The following STOX2 variants were observed in gnomAD, a reference collection of about 807,000 sequenced individuals.
STOX2 encodes the protein storkhead-box protein 2.
In STOX2, 28 loss-of-function variants were observed where a neutral mutation model predicts 60.9. The ratio of observed to expected loss-of-function variants is 0.46; its 90% CI spans 0.34 to 0.63. The LOEUF (loss-of-function observed/expected upper bound fraction) is 0.63. Among genes scored for constraint, STOX2 ranks in the 30% least tolerant of loss-of-function variants. STOX2 has a pLI of 0.01. For synonymous variants in STOX2, 472 were observed against 463.9 expected, an observed-to-expected ratio of 1.02 and a Z score of -0.22; for missense variants, 1,024 against 1,187.7, an observed-to-expected ratio of 0.86 and a Z score of 2.03.
In STOX2 at chr4:184,022,197, T is replaced by A. The variant is rs1734617637; in HGVS notation, c.*4913T>A. ...AAGGTCTTATGGTATTAAGGATACA[T>A]CCAGTATTTTCCCACAGATTTTTAT... On this transcript the variant is annotated 3_prime_UTR_variant, in exon 4 of 4. Transcript: ENST00000308497. 6.6e-6 allele frequency: 1 copy of A among 152,192 alleles called. No homozygotes were observed. Among genetic ancestry groups the A allele is most frequent in the Admixed American group, 6.5e-5 (1 of 15,282 alleles). The allele number at this position is 152,192 out of a possible 1,614,324, so 9.4% of individuals were successfully genotyped here. A position where few individuals can be genotyped will look rare whatever the true frequency, so the allele number is the denominator to read the frequency against.
Position 184,009,847 on chromosome 4 carries a change from C to G in STOX2, c.1009C>G (p.Leu337Val). The change falls in exon 3 of 4, where the codon CTG (leucine) becomes GTG (valine). Residue 337 changes from leucine to valine, a missense_variant. By Grantham distance (32) the Leu-to-Val change is conservative (BLOSUM62 1). Transcript: ENST00000308497. This position sits in a 1 kb window ranked among gnomAD's most constrained non-coding sequence, Gnocchi z 4.0. The stretch of plus-strand genomic sequence containing the variant: ...GCGGCACACCGCGCTCATGAAGAAA[C>G]TGGAAGAAGAAAAGGCCCAGAGGAG... Reference protein sequence around the residue: ...VMRHTALMKKLEEEKAQRSKA... With the variant: ...VMRHTALMKKVEEEKAQRSKA... The G allele has an allele frequency of 6.2e-7, 1 of 1,611,704 alleles. No individual in the cohort carries two copies. The highest frequency in any genetic ancestry group is 1.3e-5 in the African/African-American group (1 of 74,978).
chr4:183,904,291 C>T (rs935924909), upstream of STOX2, among the ~76,000 whole-genome samples: 5 of 152,178 alleles, frequency 3.3e-5, no homozygotes, highest in African/African-American at 9.7e-5. Context: ...GCACGGGGTC[C>T]GTAAATATCT....
chr4:183,875,920 C>T (rs905584781), intron 1 of STOX2, among the ~76,000 whole-genome samples: 2 of 152,178 alleles, frequency 1.3e-5, no homozygotes, highest in Non-Finnish European at 1.5e-5. Context: ...TGGGGTCTTA[C>T]TATGTTGCTC....
At chr4:183,805,023 C>T (rs768424412) in intron 1 of STOX2, among the ~76,000 whole-genome samples, 3 of 152,152 alleles carry the variant, frequency 2.0e-5, no homozygotes, top group African/African-American at 4.8e-5. Flanking sequence ...CTGTGTCTTG[C>T]GACGGGTTGA....
Position 183,818,953 on chromosome 4 carries a change from C to CA in STOX2, c.364+20898_364+20899insA, listed in dbSNP as rs1560829899. On this transcript the variant is annotated intron_variant, in intron 1 of 2. Transcript: ENST00000513034. ...GGTCCTCACTTCCCAGACTGGGCAG[C>CA]GGGGCAGAGGGGCTCCTCACATCTC... Among the ~76,000 whole-genome samples the CA allele has an allele frequency of 4.5e-4, 69 of 152,102 alleles. 2 individuals carry two copies. Among genetic ancestry groups the CA allele is most frequent in the African/African-American group, 1.5e-3 (62 of 41,498 alleles).
rs185703226 is a variant in STOX2 at position 183,937,100 on chromosome 4, T to C, written c.166+30144T>C. Among the ~76,000 whole-genome samples, 343 of 152,348 alleles carry C rather than the reference T, an allele frequency of 2.3e-3. 2 individuals are homozygous for C. The highest frequency in any genetic ancestry group is 7.7e-3 in the African/African-American group (320 of 41,582). On this transcript the variant is annotated intron_variant, in intron 1 of 3. Coordinates refer to ENST00000308497, the MANE Select transcript of STOX2 (RefSeq NM_020225.3). Reference sequence around the variant, plus strand: ...TTATGCACTCAGGGCAGTGTATGCATGTCTTTGATGTACAGCTAAAGCACT... The same window carrying C: ...TTATGCACTCAGGGCAGTGTATGCACGTCTTTGATGTACAGCTAAAGCACT...
intron 1 of STOX2, among the ~76,000 whole-genome samples, chr4:183,928,281 C>T (rs1259992195): frequency 6.6e-6 from 1 of 152,034 alleles, no homozygotes; most frequent in Non-Finnish European, 1.5e-5. Flanking sequence ...CCAGAGCTGC[C>T]CACGAAATGC....
At chr4:183,912,448 C>T (rs1560878272) in intron 1 of STOX2, among the ~76,000 whole-genome samples, 2 of 152,242 alleles carry the variant, frequency 1.3e-5, no homozygotes, top group South Asian at 2.1e-4. Flanking sequence ...CCTGCATCAG[C>T]GCCTGTCACC....
chr4:183,828,991 A>G (rs6839226), intron 1 of STOX2, among the ~76,000 whole-genome samples: 7,826 of 152,280 alleles, frequency 0.051, 665 homozygotes, highest in African/African-American at 0.18. Context: ...GAAGGAAAGC[A>G]GTTTGGCTTG....
chr4:183,824,239 C>A (rs984911800), intron 1 of STOX2, among the ~76,000 whole-genome samples: 10 of 151,928 alleles, frequency 6.6e-5, no homozygotes, highest in African/African-American at 2.4e-4. Flanking sequence ...GCAGGGATAC[C>A]CTCATAGCAA....
intron 1 of STOX2, among the ~76,000 whole-genome samples, chr4:183,842,744 A>G (rs1021287184): frequency 2.0e-5 from 3 of 152,074 alleles, no homozygotes; most frequent in Admixed American, 6.5e-5. Flanking sequence ...TAGGTTCATA[A>G]TGGTTCCTTT....
At chr4:183,802,933 T>C (rs1286064245) in intron 1 of STOX2, among the ~76,000 whole-genome samples, 1 of 152,202 alleles carries the variant, frequency 6.6e-6, no homozygotes, top group African/African-American at 2.4e-5. Context: ...TATCAGTCCA[T>C]TTTTATGCTG....
chr4:183,809,972 G>A (rs1225479162), intron 1 of STOX2, among the ~76,000 whole-genome samples: 1 of 152,202 alleles, frequency 6.6e-6, no homozygotes, highest in African/African-American at 2.4e-5. Context: ...ATGGAAGACT[G>A]TGAAATGTCA....
intron 1 of STOX2, among the ~76,000 whole-genome samples, chr4:183,840,711 C>G (rs972475090): frequency 5.9e-5 from 9 of 152,224 alleles, no homozygotes; most frequent in Admixed American, 5.9e-4. Context: ...AAGCTTAGCT[C>G]ATATGCATAT....
chr4:183,900,900 G>A (rs563334696), upstream of STOX2, among the ~76,000 whole-genome samples: 11 of 151,882 alleles, frequency 7.2e-5, no homozygotes, highest in South Asian at 6.2e-4. Flanking sequence ...TACACATAAC[G>A]TAAAATTTAC....
At chr4:183,893,590 T>TTACACTATTATTTTACATATAAAA (rs1163136547) in intron 1 of STOX2, among the ~76,000 whole-genome samples, 2 of 151,070 alleles carry the variant, frequency 1.3e-5, no homozygotes, top group Middle Eastern at 3.2e-3. Context: ...TACTCTTATT[T>TTACACTATTATTTTACATATAAAA]TACACTATTA....
At chr4:183,978,487 C>T (rs1244142045) in intron 1 of STOX2, among the ~76,000 whole-genome samples, 1 of 152,214 alleles carries the variant, frequency 6.6e-6, no homozygotes, top group East Asian at 1.9e-4. Context: ...TAGTACCATA[C>T]TATTTTGGTT....
chr4:183,915,686 G>C (rs1354031373), intron 1 of STOX2, among the ~76,000 whole-genome samples: 1 of 152,218 alleles, frequency 6.6e-6, no homozygotes, highest in Non-Finnish European at 1.5e-5. Flanking sequence ...AGACACAGGG[G>C]AGAATACCAT....
At chr4:183,798,876 G>C (rs1738694537) in intron 1 of STOX2, 1 of 638,778 alleles carries the variant, frequency 1.6e-6, no homozygotes, top group African/African-American at 2.5e-5. Flanking sequence ...ATACTTTTGA[G>C]TTTTGTACTT....
Sources: allele counts gnomAD v4.1 joint callset (sites outside exome capture counted in the v4.1 genomes callset), GRCh38; gene constraint gnomAD v4.1.1; non-coding constraint Gnocchi (gnomAD v3.1); transcripts MANE v1.5; gene names NCBI Gene and HGNC (gene_info 2026-07-23, HGNC 2026-07-21).